The following RGS20 variants were observed in gnomAD, a reference collection of about 807,000 sequenced individuals.
RGS20 encodes gz-selective GTPase-activating protein.
In RGS20, 30 loss-of-function variants were observed where a neutral mutation model predicts 33.6. The ratio of observed to expected loss-of-function variants is 0.89; its 90% CI spans 0.67 to 1.21. The LOEUF (loss-of-function observed/expected upper bound fraction) is 1.21. Ranked by LOEUF, RGS20 falls within the 50% of genes most tolerant of loss-of-function variation. RGS20 has a pLI of 0.00. For missense variants in RGS20, 472 were observed against 502.4 expected (o/e 0.94, Z 0.58); for synonymous variants, 208 against 197.9 (o/e 1.05, Z -0.43).
intron 2 of RGS20, among the ~76,000 whole-genome samples, chr8:53,930,196 G>T (rs1023438113): frequency 1.3e-5 from 2 of 152,188 alleles, no homozygotes; most frequent in African/African-American, 4.8e-5. Flanking sequence ...AGAATGAACA[G>T]AAAAATTACT....
chr8:53,939,592 G>C lies in RGS20; in HGVS notation c.527G>C (p.Arg176Pro). ...CTCTTGCAGCAGATGGGATCAGAGC[G>C]GATGGAGATGCGGAAGCGGCAGATG... is the stretch of plus-strand genomic sequence containing the variant. Residue 176 changes from arginine to proline, a missense_variant, in exon 3 of 6, where the codon CGG (arginine) becomes CCG (proline). Coordinates refer to ENST00000297313, the MANE Select transcript of RGS20 (RefSeq NM_170587.4). The C allele has an allele frequency of 6.2e-7, 1 of 1,601,386 alleles. No individual in the cohort carries two copies. The highest frequency in any genetic ancestry group is 8.5e-7 in the Non-Finnish European group (1 of 1,174,474).
At chr8:53,862,478 G>A (rs1007513725) in intron 1 of RGS20, among the ~76,000 whole-genome samples, 8 of 152,184 alleles carry the variant, frequency 5.3e-5, no homozygotes, top group Admixed American at 1.3e-4. Context: ...CAGAGAAGGT[G>A]CAGCGTTCCT....
intron 2 of RGS20, among the ~76,000 whole-genome samples, chr8:53,902,207 G>A (rs1813051471): frequency 6.6e-6 from 1 of 152,068 alleles, no homozygotes. Context: ...TGTAGAGACA[G>A]GGTTTTGCCA....
intron 1 of RGS20, among the ~76,000 whole-genome samples, chr8:53,853,935 G>T (rs886101540): frequency 6.6e-6 from 1 of 152,132 alleles, no homozygotes; most frequent in African/African-American, 2.4e-5. Context: ...TGAAATCTAA[G>T]GTAGACGTGA....
intron 3 of RGS20, chr8:53,946,441 CTCTT>C (rs754907851): frequency 1.5e-5 from 8 of 533,646 alleles, no homozygotes; most frequent in South Asian, 2.2e-5. Flanking sequence ...TAATTTCTAA[CTCTT>C]TCTCAATAGT....
At chr8:53,900,962 G>T (rs1227667225) in intron 2 of RGS20, among the ~76,000 whole-genome samples, 4 of 151,960 alleles carry the variant, frequency 2.6e-5, no homozygotes, top group Non-Finnish European at 5.9e-5. Flanking sequence ...GTCCTGACCT[G>T]GCTCCATGGG....
chr8:53,919,044 A>G (rs905239442), intron 2 of RGS20, among the ~76,000 whole-genome samples: 1 of 152,208 alleles, frequency 6.6e-6, no homozygotes, highest in Non-Finnish European at 1.5e-5. Flanking sequence ...GCATATGAGG[A>G]TTCTAATTTC....
intron 2 of RGS20, among the ~76,000 whole-genome samples, chr8:53,885,887 TAGAC>T (rs144291075): frequency 0.013 from 2,029 of 151,876 alleles, 31 homozygotes; most frequent in African/African-American, 0.037. Flanking sequence ...TACATGTTCT[TAGAC>T]AGAAGGACAG....
intron 4 of RGS20, among the ~76,000 whole-genome samples, chr8:53,947,415 T>C (rs1406529459): frequency 1.5e-5 from 2 of 134,270 alleles, no homozygotes; most frequent in East Asian, 4.5e-4. Context: ...ATAGTACATT[T>C]ATATATGCTA....
intron 2 of RGS20, among the ~76,000 whole-genome samples, chr8:53,929,050 A>C (rs1204074003): frequency 6.6e-6 from 1 of 152,208 alleles, no homozygotes; most frequent in African/African-American, 2.4e-5. Context: ...ACCACAATAA[A>C]AGATGTTGTA....
chr8:53,883,126 A>G (rs1169376747), intron 2 of RGS20, among the ~76,000 whole-genome samples: 2 of 150,804 alleles, frequency 1.3e-5, no homozygotes, highest in Non-Finnish European at 3.0e-5. Context: ...CATCCTGTTT[A>G]TCTTCTGTTC....
At chr8:53,944,212 T>G (rs552793827) in intron 3 of RGS20, among the ~76,000 whole-genome samples, 15 of 152,174 alleles carry the variant, frequency 9.9e-5, no homozygotes, top group Admixed American at 2.6e-4. Flanking sequence ...AAATCATGAA[T>G]AAGGCAAAAT....
At chr8:53,951,875 G>T (rs897714613) in intron 4 of RGS20, among the ~76,000 whole-genome samples, 7 of 151,712 alleles carry the variant, frequency 4.6e-5, no homozygotes, top group Non-Finnish European at 1.5e-5. Context: ...AAATCAGCTG[G>T]GGGTGGTGGC....
rs1447400969 is a variant in RGS20 at position 53,948,602 on chromosome 8, CAT to C, written c.743+1857_743+1858del. ...CTATATATGATACAGTACATATTTA[CAT>C]ATGCTATATATGATACAGTACATAT... On this transcript the variant is annotated intron_variant, in intron 4 of 5. Transcript: ENST00000297313. Among the ~76,000 whole-genome samples, 6 of 107,622 alleles carry C rather than the reference CAT, an allele frequency of 5.6e-5. 1 individual carries two copies. Among genetic ancestry groups the C allele is most frequent in the Non-Finnish European group, 1.1e-4 (6 of 54,718 alleles). 70.6% of individuals were successfully genotyped at this position (107,622 alleles called of 152,430 possible). A position where few individuals can be genotyped will look rare whatever the true frequency, so the allele number is the denominator to read the frequency against.
At chr8:53,954,005 C>A in intron 4 of RGS20, 71 bp from the exon 4 acceptor site, 1 of 1,019,780 alleles carries the variant, frequency 9.8e-7, no homozygotes, top group Non-Finnish European at 1.6e-6. Context: ...AAGATATGTT[C>A]CTAATGATGA....
intron 1 of RGS20, among the ~76,000 whole-genome samples, chr8:53,864,258 C>T (rs562381711): frequency 1.3e-5 from 2 of 151,440 alleles, no homozygotes; most frequent in East Asian, 2.0e-4. Context: ...GGTGAAACCC[C>T]GTCTCTACAA....
At chr8:53,950,194 G>C (rs1418912485) in intron 4 of RGS20, among the ~76,000 whole-genome samples, 3 of 152,032 alleles carry the variant, frequency 2.0e-5, no homozygotes, top group Non-Finnish European at 4.4e-5. Flanking sequence ...AAATAAAATA[G>C]AAGTTTTAAA....
At chr8:53,921,852 T>C (rs907859855) in intron 2 of RGS20, among the ~76,000 whole-genome samples, 8 of 151,632 alleles carry the variant, frequency 5.3e-5, no homozygotes, top group Non-Finnish European at 1.0e-4. Context: ...TATTCCATTG[T>C]GTTTGGAAAA....
intron 2 of RGS20, chr8:53,881,053 C>T (rs773503358): frequency 3.2e-6 from 5 of 1,543,552 alleles, no homozygotes; most frequent in Non-Finnish European, 4.3e-6. Flanking sequence ...GCCGGGGCTT[C>T]CTCCCCGGCC....
Sources: gnomAD v4.1 joint callset for allele counts (sites outside exome capture counted in the v4.1 genomes callset) on GRCh38, gnomAD v4.1.1 for gene constraint, MANE v1.5 for transcripts, NCBI Gene and HGNC (gene_info 2026-07-23, HGNC 2026-07-21) for gene names.